GSDMB: variants seen among roughly 807,000 people sequenced by gnomAD.
The protein encoded by GSDMB is gasdermin B.
Under a neutral mutation model 42.9 loss-of-function variants are expected in GSDMB, and 32 were observed. The ratio of observed to expected loss-of-function variants is 0.75; its 90% CI spans 0.56 to 1.00. The LOEUF is 1.00. Ranked by LOEUF, GSDMB falls within the 50% of genes least tolerant of loss-of-function variation. The pLI is 0.00. For synonymous variants in GSDMB, 175 were observed against 193.7 expected (o/e 0.90, Z 0.80); for missense variants, 468 against 498.5 (o/e 0.94, Z 0.58).
Position 39,904,831 on chromosome 17 carries a change from G to GC in GSDMB, c.1231_1232insG (p.Pro411ArgfsTer72). The GC allele has an allele frequency of 6.2e-7, 1 of 1,614,032 alleles. No individual in the cohort carries two copies. The highest frequency in any genetic ancestry group is 8.5e-7 in the Non-Finnish European group (1 of 1,179,968). ...TTGTAGTTAGGAAGAGACAGAGGTA[G>GC]GCCCCTCAGCCAGCTCCAGCAGGAT... On this transcript the variant is annotated frameshift_variant, in exon 11 of 11. Transcript: ENST00000418519. LOFTEE classifies it high-confidence loss of function.
chr17:39,913,839 G>C (rs1031421061), intron 2 of GSDMB, among the ~76,000 whole-genome samples: 15 of 152,180 alleles, frequency 9.9e-5, no homozygotes, highest in African/African-American at 3.4e-4. Context: ...GGAACCTACA[G>C]GGGAGGGAGA....
chr17:39,906,055 C>A (rs2063498936), intron 8 of GSDMB, 56 bp downstream of exon 8: 9 of 1,543,226 alleles, frequency 5.8e-6, no homozygotes, highest in African/African-American at 1.3e-5. Context: ...GTGCCAACTG[C>A]CATCCCCTCT....
chr17:39,907,344 G>C (rs1428957982), intron 6 of GSDMB: 1 of 264,568 alleles, frequency 3.8e-6, no homozygotes, highest in Non-Finnish European at 6.1e-6. Flanking sequence ...GGAAAACCTA[G>C]AAATTCCAGA....
intron 1 of GSDMB, chr17:39,917,612 G>A (rs1265438158): frequency 1.4e-5 from 5 of 368,582 alleles, no homozygotes; most frequent in African/African-American, 1.1e-4. Flanking sequence ...AAGGTACTTT[G>A]TAATATTCTC....
chr17:39,910,561 C>A (rs1403101307), intron 3 of GSDMB, among the ~76,000 whole-genome samples: 1 of 152,008 alleles, frequency 6.6e-6, no homozygotes, highest in Non-Finnish European at 1.5e-5. Context: ...AGTGTAAGTC[C>A]AAAGAGAGTG....
At chr17:39,915,329 A>G (rs1465339565) in intron 2 of GSDMB, among the ~76,000 whole-genome samples, 2 of 152,238 alleles carry the variant, frequency 1.3e-5, no homozygotes, top group Admixed American at 1.3e-4. Flanking sequence ...ACCCATTTAA[A>G]TAGGGAGCAG....
chr17:39,917,084 T>A lies in GSDMB; in HGVS notation c.233A>T (p.Gln78Leu). The change falls in exon 2 of 11, where the codon CAA becomes CTA. Residue 78 changes from glutamine (Q) to leucine (L), a missense_variant and splice_region_variant. By Grantham distance (113) the Gln-to-Leu change is moderately radical (BLOSUM62 -2). Transcript: ENST00000418519. Reference protein sequence around the residue: ...KWLDELDSGLQGQKAEFQILD... With the variant: ...KWLDELDSGLLGQKAEFQILD... ...CCTGTCATCTACCTTATACTGACCT[T>A]GGAGCCCAGAATCCAGTTCATCTAA... 1 of 1,610,052 alleles carries A rather than the reference T, an allele frequency of 6.2e-7. No individual in the cohort carries two copies.
intron 2 of GSDMB, among the ~76,000 whole-genome samples, chr17:39,912,754 T>C (rs971799668): frequency 5.3e-5 from 8 of 152,230 alleles, no homozygotes; most frequent in African/African-American, 1.7e-4. Flanking sequence ...CTTAACCTCT[T>C]TGAATCTGTT....
At position 39,917,159 on chromosome 17, in the gene GSDMB, G is replaced by C; in HGVS notation, c.158C>G (p.Thr53Arg). ...KRTFFGCRHY[T>R]TGLTLMDILD... The stretch of plus-strand genomic sequence containing the variant: ...AATGTCCATCAGGGTGAGGCCTGTT[G>C]TGTAGTGCCGGCATCCAAAGAAAGT... The change falls in exon 2 of 11, where the codon ACA (threonine) becomes AGA (arginine). Residue 53 changes from threonine (T) to arginine (R), a missense_variant. By Grantham distance (71) the Thr-to-Arg change is moderately conservative. Transcript: ENST00000418519. 6.2e-7 allele frequency: 1 copy of C among 1,614,112 alleles called. No individual in the cohort carries two copies. The highest frequency in any genetic ancestry group is 8.5e-7 in the Non-Finnish European group (1 of 1,179,962).
At chr17:39,908,274 T>G in intron 5 of GSDMB, 60 bp from the exon 6 acceptor site, 2 of 866,406 alleles carry the variant, frequency 2.3e-6, no homozygotes, top group South Asian at 1.4e-5. Context: ...GTTATCACTC[T>G]GTAAGTTCCC....
At chr17:39,911,656 T>C (rs1387534109) in intron 3 of GSDMB, among the ~76,000 whole-genome samples, 2 of 152,186 alleles carry the variant, frequency 1.3e-5, no homozygotes, top group Admixed American at 6.6e-5. Context: ...ACTCAGTACC[T>C]ACTGTGTGCT....
chr17:39,914,926 T>A (rs2063681620), intron 2 of GSDMB, among the ~76,000 whole-genome samples: 1 of 150,396 alleles, frequency 6.6e-6, no homozygotes. Context: ...AACCTCCACC[T>A]CCCAGGTTCA....
chr17:39,906,233 CCTT>C lies in GSDMB; in HGVS notation c.763_765del (p.Lys255del). On this transcript the variant is annotated inframe_deletion, in exon 8 of 11. Coordinates refer to ENST00000418519, the MANE Select transcript of GSDMB (RefSeq NM_001165958.2). ...ACACTCTCCATGTCCTCCAACTTCT[CCTT>C]CATGTTTCTGGAATCCTCCGAACCC... 2 of 1,614,178 alleles carry C rather than the reference CCTT, an allele frequency of 1.2e-6. No individual in the cohort carries two copies. The highest frequency in any genetic ancestry group is 1.1e-5 in the South Asian group (1 of 91,088).
At chr17:39,909,104 T>C (rs1209997582) in intron 4 of GSDMB, 62 bp from the exon 5 acceptor site, 1 of 947,316 alleles carries the variant, frequency 1.1e-6, no homozygotes, top group Non-Finnish European at 1.6e-6. Context: ...TCTTGCCTGA[T>C]CTCCCAAACA....
chr17:39,912,442 T>C lies in GSDMB; in HGVS notation c.291A>G (p.Ile97Met), dbSNP rs4636939. ...LDNVDSTGEL[I>M]VRLPKEITIS... ...TTGTTATTTCTTTGGGTAATCTCAC[T>C]ATCAACTCTCCCGTTGAGTCTACAT... The change falls in exon 3 of 11, where the codon ATA becomes ATG. Residue 97 changes from isoleucine (I) to methionine (M), a missense_variant. Transcript: ENST00000418519. The C allele has an allele frequency of 1.9e-6, 3 of 1,611,530 alleles. No homozygotes were observed. Among genetic ancestry groups the C allele is most frequent in the Non-Finnish European group, 2.5e-6 (3 of 1,177,578 alleles).
intron 7 of GSDMB, 96 bp from the exon 8 acceptor site, chr17:39,906,367 T>G: frequency 5.2e-6 from 6 of 1,156,748 alleles, no homozygotes; most frequent in Non-Finnish European, 7.4e-6. Context: ...GGAGACCACC[T>G]CTTTGTATCT....
intron 6 of GSDMB, chr17:39,907,865 G>T (rs1173363299): frequency 3.0e-6 from 1 of 336,542 alleles, no homozygotes; most frequent in East Asian, 6.0e-5. Context: ...CACAGCCAGT[G>T]CTGTCCTGCT....
Position 39,905,887 on chromosome 17 carries a change from C to T in GSDMB, c.987G>A (p.Ala329=), listed in dbSNP as rs144949338. ...LFNAAGVLVE[A]RAKAILDFLD... ...GGAAGTCCAGAATGGCTTTTGCACG[C>T]GCTTCTACCAAGACCCCAGCAGCAT... The change falls in exon 9 of 11, where the codon GCG becomes GCA. Residue 329 remains alanine, a synonymous_variant. Coordinates refer to ENST00000418519, the MANE Select transcript of GSDMB (RefSeq NM_001165958.2). The T allele has an allele frequency of 2.5e-5, 41 of 1,613,958 alleles. 1 individual carries two copies. The highest frequency in any genetic ancestry group is 1.2e-4 in the African/African-American group (9 of 74,914).
chr17:39,905,286 G>A, intron 10 of GSDMB, 140 bp downstream of exon 10: 1 of 652,590 alleles, frequency 1.5e-6, no homozygotes, highest in East Asian at 2.7e-5. Flanking sequence ...CCAGGGAATT[G>A]TCACAAACCA....
Sources: allele counts gnomAD v4.1 joint callset (sites outside exome capture counted in the v4.1 genomes callset), GRCh38; gene constraint gnomAD v4.1.1; transcripts MANE v1.5; gene names NCBI Gene and HGNC (gene_info 2026-07-23, HGNC 2026-07-21).